Variants in CAMTA1 observed in about 807,000 individuals in gnomAD.
CAMTA1 encodes calmodulin-binding transcription activator 1.
A neutral mutation model predicts 170.9 loss-of-function variants in CAMTA1; 27 were observed. The observed-to-expected ratio is 0.16, with a 90% CI of 0.12 to 0.22. The LOEUF is 0.22. CAMTA1 is among the 10% of genes least tolerant of loss of function. The pLI is 1.00. For synonymous variants in CAMTA1, 833 were observed against 891.5 expected (o/e 0.93, Z 1.17); for missense variants, 1,619 against 2,217.2 (o/e 0.73, Z 5.42).
At chr1:7,692,459 T>A (rs1031043488) in intron 11 of CAMTA1, among the ~76,000 whole-genome samples, 6 of 152,068 alleles carry the variant, frequency 3.9e-5, no homozygotes, top group African/African-American at 2.4e-5. Context: ...GAGAGCCTCA[T>A]CTGACCCTCT....
At position 7,482,251 on chromosome 1, in the gene CAMTA1, C is replaced by T. The variant is rs1179771009; in HGVS notation, c.510+14350C>T. 6.6e-6 allele frequency among the ~76,000 whole-genome samples: 1 copy of T among 152,168 alleles called. No homozygotes were observed. Among genetic ancestry groups the T allele is most frequent in the Admixed American group, 6.5e-5 (1 of 15,270 alleles). On this transcript the variant is annotated intron_variant, in intron 6 of 22. Coordinates refer to ENST00000303635, the MANE Select transcript of CAMTA1 (RefSeq NM_015215.4). This position sits in a 1 kb window ranked among gnomAD's most constrained non-coding sequence, Gnocchi z 4.2. ...GGGGCATGATCTGTTTTGTTCACTGCTACATTTGGAGTGCCTGGAGCCATG... is the reference window on the plus strand; with the variant it reads ...GGGGCATGATCTGTTTTGTTCACTGTTACATTTGGAGTGCCTGGAGCCATG...
chr1:6,896,429 G>A (rs553374277), intron 3 of CAMTA1, among the ~76,000 whole-genome samples: 2 of 152,304 alleles, frequency 1.3e-5, no homozygotes, highest in Admixed American at 6.5e-5. Context: ...GAGCCAGATA[G>A]CATTTTCTGT....
At position 7,299,079 on chromosome 1, in the gene CAMTA1, G is replaced by A. The variant is rs933900603; in HGVS notation, c.438+49453G>A. 6.6e-6 allele frequency among the ~76,000 whole-genome samples: 1 copy of A among 152,198 alleles called. No individual in the cohort carries two copies. The highest frequency in any genetic ancestry group is 2.4e-5 in the African/African-American group (1 of 41,454). ...TGACTTGCTGTGTGACCTTAAGCAA[G>A]TACCTTCCCCTCTCTAGGTCTGCTT... On this transcript the variant is annotated intron_variant, in intron 5 of 22. Transcript: ENST00000303635. The surrounding 1 kb of genome is among the most constrained non-coding windows in gnomAD (Gnocchi z 4.7).
chr1:6,974,381 A>G (rs1284033516), intron 3 of CAMTA1, among the ~76,000 whole-genome samples: 1 of 152,228 alleles, frequency 6.6e-6, no homozygotes, highest in African/African-American at 2.4e-5. Flanking sequence ...GACCAACTGG[A>G]GGGTCTCTAG....
At chr1:7,513,294 C>T (rs1056187480) in intron 6 of CAMTA1, among the ~76,000 whole-genome samples, 1 of 152,138 alleles carries the variant, frequency 6.6e-6, no homozygotes, top group Non-Finnish European at 1.5e-5. Context: ...GTCTTGCCAT[C>T]GTAATGGCAG....
At position 7,642,732 on chromosome 1, in the gene CAMTA1, T is replaced by G. The variant is rs1576554837; in HGVS notation, c.664+2179T>G. Reference sequence around the variant, plus strand: ...CTCATCCTGGCTTCATGGCTGCCCCTCTACACAGCCCCAGACCAATGCCCC... The same window carrying G: ...CTCATCCTGGCTTCATGGCTGCCCCGCTACACAGCCCCAGACCAATGCCCC... On this transcript the variant is annotated intron_variant, in intron 7 of 22. Coordinates refer to ENST00000303635, the MANE Select transcript of CAMTA1 (RefSeq NM_015215.4). This position sits in a 1 kb window ranked among gnomAD's most constrained non-coding sequence, Gnocchi z 6.3. 6.6e-6 allele frequency among the ~76,000 whole-genome samples: 1 copy of G among 152,036 alleles called. No homozygotes were observed. Among genetic ancestry groups the G allele is most frequent in the Non-Finnish European group, 1.5e-5 (1 of 67,978 alleles).
rs565698500 is a variant in CAMTA1, at chr1:7,344,284, C to A, written c.438+94658C>A. ...TCTTCCCTGGCATAGCAGCTCAGGG[C>A]TCCCAGAGTGAGCTTTCCAGACACC... On this transcript the variant is annotated intron_variant, in intron 5 of 22. Transcript: ENST00000303635. 1.8e-4 allele frequency among the ~76,000 whole-genome samples: 27 copies of A among 152,338 alleles called. No homozygotes were observed. The South Asian group carries it at 4.8e-3, about 27-fold the overall frequency.
intron 6 of CAMTA1, among the ~76,000 whole-genome samples, chr1:7,489,951 G>A (rs987228770): frequency 1.2e-4 from 19 of 152,188 alleles, no homozygotes; most frequent in African/African-American, 4.3e-4. Context: ...GACTTTCAGC[G>A]GTTACGGGAG....
chr1:7,310,717 TC>T lies in CAMTA1; in HGVS notation c.438+61092del, dbSNP rs1676559331. On this transcript the variant is annotated intron_variant, in intron 5 of 22. Transcript: ENST00000303635. The stretch of plus-strand genomic sequence containing the variant: ...CTCTCTCTCTCTTTCTTTCTTTCTT[TC>T]TTTCTTTCTTTCTTTCTTTCTTTCT... 2.1e-4 allele frequency among the ~76,000 whole-genome samples: 17 copies of T among 81,784 alleles called. 1 individual carries two copies. The highest frequency in any genetic ancestry group is 4.2e-4 in the African/African-American group (5 of 12,046). The allele number at this position is 81,784 out of a possible 152,430, so 53.7% of individuals were successfully genotyped here. A position where few individuals can be genotyped will look rare whatever the true frequency, so the allele number is the denominator to read the frequency against.
chr1:7,383,521 G>A (rs150080632), intron 5 of CAMTA1, among the ~76,000 whole-genome samples: 10 of 152,230 alleles, frequency 6.6e-5, no homozygotes, highest in East Asian at 5.8e-4. Flanking sequence ...AAAAATGGGC[G>A]TAGGATATCT....
chr1:7,527,562 G>A (rs1053459266), intron 6 of CAMTA1, among the ~76,000 whole-genome samples: 1 of 152,232 alleles, frequency 6.6e-6, no homozygotes, highest in Non-Finnish European at 1.5e-5. Context: ...TGGCCCTGCA[G>A]AGGGGCTGGA....
At chr1:7,678,542 A>G (rs2096148229) in intron 11 of CAMTA1, among the ~76,000 whole-genome samples, 1 of 152,160 alleles carries the variant, frequency 6.6e-6, no homozygotes, top group Non-Finnish European at 1.5e-5. Flanking sequence ...TGCCAAAGGC[A>G]GGCTGGGGAC....
At chr1:7,365,177 G>A (rs1418490) in intron 5 of CAMTA1, among the ~76,000 whole-genome samples, 3,611 of 152,296 alleles carry the variant, frequency 0.024, 135 homozygotes, top group African/African-American at 0.081. Flanking sequence ...CCCAGTGGAC[G>A]CTGAATTCCA....
At chr1:7,556,088 T>C (rs1020062960) in intron 6 of CAMTA1, among the ~76,000 whole-genome samples, 42 of 152,150 alleles carry the variant, frequency 2.8e-4, no homozygotes. Flanking sequence ...GCAGAGCCTC[T>C]ATTGTGGTTT....
Position 7,767,989 on chromosome 1 carries a change from A to G in CAMTA1, c.*1498A>G, listed in dbSNP as rs1365246231. 1 of 152,610 alleles carries G rather than the reference A, an allele frequency of 6.6e-6. No individual in the cohort carries two copies. The highest frequency in any genetic ancestry group is 2.4e-5 in the African/African-American group (1 of 41,438). 9.5% of individuals were successfully genotyped at this position (152,610 alleles called of 1,614,324 possible). A position where few individuals can be genotyped will look rare whatever the true frequency, so the allele number is the denominator to read the frequency against. On this transcript the variant is annotated 3_prime_UTR_variant, in exon 23 of 23. Coordinates refer to ENST00000303635, the MANE Select transcript of CAMTA1 (RefSeq NM_015215.4). The stretch of plus-strand genomic sequence containing the variant: ...TAAAATTTTTTTGCCAATGGTGCCA[A>G]GTAATGTGAATGCTAATACTGCTTA...
rs1646182007 is a variant in CAMTA1 at position 7,146,302 on chromosome 1, C to T, written c.302+54931C>T. ...CTCCCTCTTGGCTTATGTAGATCAACCAGAGCCTTGGGATATGAGAAGTTA... is the reference window on the plus strand; with the variant it reads ...CTCCCTCTTGGCTTATGTAGATCAATCAGAGCCTTGGGATATGAGAAGTTA... On this transcript the variant is annotated intron_variant, in intron 4 of 22. Coordinates refer to ENST00000303635, the MANE Select transcript of CAMTA1 (RefSeq NM_015215.4). This position sits in a 1 kb window ranked among gnomAD's most constrained non-coding sequence, Gnocchi z 4.3. Among the ~76,000 whole-genome samples, 1 of 152,078 alleles carries T rather than the reference C, an allele frequency of 6.6e-6. No individual in the cohort carries two copies. Among genetic ancestry groups the T allele is most frequent in the African/African-American group, 2.4e-5 (1 of 41,420 alleles).
At chr1:7,578,017 A>G (rs72643929) in intron 6 of CAMTA1, among the ~76,000 whole-genome samples, 1 of 152,318 alleles carries the variant, frequency 6.6e-6, no homozygotes, top group Non-Finnish European at 1.5e-5. Context: ...ACAAAGGTTG[A>G]TGGGTTTTCC....
chr1:7,187,760 TC>T (rs1028440972), intron 4 of CAMTA1, among the ~76,000 whole-genome samples: 15 of 152,242 alleles, frequency 9.9e-5, no homozygotes, highest in African/African-American at 2.2e-4. Flanking sequence ...ACCCACCCTT[TC>T]CCCCTCCATC....
At chr1:7,563,261 C>T (rs916263002) in intron 6 of CAMTA1, among the ~76,000 whole-genome samples, 1 of 152,202 alleles carries the variant, frequency 6.6e-6, no homozygotes, top group Non-Finnish European at 1.5e-5. Flanking sequence ...GAGTCTTCCG[C>T]GCAGCTGCTA....
Sources: allele counts gnomAD v4.1 joint callset (sites outside exome capture counted in the v4.1 genomes callset), GRCh38; gene constraint gnomAD v4.1.1; non-coding constraint Gnocchi (gnomAD v3.1); transcripts MANE v1.5; gene names NCBI Gene and HGNC (gene_info 2026-07-23, HGNC 2026-07-21).